NEK10: variants seen among roughly 807,000 people sequenced by gnomAD.
NEK10 encodes the protein serine/threonine-protein kinase Nek10.
In NEK10, 122 loss-of-function variants were observed where a neutral mutation model predicts 159.8. The observed-to-expected ratio is 0.76, with a 90% confidence interval of 0.66 to 0.89. The LOEUF (loss-of-function observed/expected upper bound fraction) is 0.89. Ranked by LOEUF, NEK10 falls within the 40% of genes least tolerant of loss-of-function variation. The probability of loss-of-function intolerance (pLI) is 0.00; values close to 1 mark genes in which losing one functional copy is unlikely to be tolerated. For synonymous variants in NEK10, 466 were observed against 457.1 expected (o/e 1.02, Z -0.25); for missense variants, 1,342 against 1,323.1 (o/e 1.01, Z -0.22).
intron 1 of NEK10, among the ~76,000 whole-genome samples, chr3:27,368,069 G>C (rs2049228179): frequency 6.6e-6 from 1 of 152,058 alleles, no homozygotes; most frequent in Admixed American, 6.6e-5. Context: ...GAGGCGGGTG[G>C]ATCACCTGAG....
At chr3:27,214,808 G>A (rs184997159) in intron 23 of NEK10, 54 of 1,027,350 alleles carry the variant, frequency 5.3e-5, no homozygotes, top group Admixed American at 3.1e-4. Context: ...CCTGCTCTTT[G>A]ACATATTTTC....
At chr3:27,329,580 A>C (rs532521185) in intron 5 of NEK10, among the ~76,000 whole-genome samples, 1 of 152,292 alleles carries the variant, frequency 6.6e-6, no homozygotes, top group South Asian at 2.1e-4. Context: ...CCAAGGAACA[A>C]CCAGTTCTTT....
chr3:27,112,976 T>C (rs1475165380), intron 35 of NEK10, among the ~76,000 whole-genome samples: 1 of 152,216 alleles, frequency 6.6e-6, no homozygotes, highest in Non-Finnish European at 1.5e-5. Flanking sequence ...TTATTCACAG[T>C]TTGTGGATTA....
chr3:27,245,757 T>A (rs1254453785), intron 23 of NEK10, among the ~76,000 whole-genome samples: 2 of 152,214 alleles, frequency 1.3e-5, no homozygotes, highest in Admixed American at 1.3e-4. Flanking sequence ...TCTAATTTCT[T>A]AATTATTCAA....
intron 22 of NEK10, among the ~76,000 whole-genome samples, chr3:27,259,243 T>C (rs2040180718): frequency 6.6e-6 from 1 of 152,246 alleles, no homozygotes; most frequent in African/African-American, 2.4e-5. Flanking sequence ...CTTGTCAATT[T>C]TGGCTTTTGT....
intron 29 of NEK10, among the ~76,000 whole-genome samples, chr3:27,170,220 TG>T (rs1322630837): frequency 2.6e-5 from 4 of 152,064 alleles, no homozygotes; most frequent in Admixed American, 1.3e-4. Context: ...ACCTCCTGAG[TG>T]GGGGTCATCC....
intron 23 of NEK10, among the ~76,000 whole-genome samples, chr3:27,223,455 C>T (rs1437046292): frequency 2.6e-5 from 4 of 152,190 alleles, no homozygotes; most frequent in African/African-American, 7.2e-5. Flanking sequence ...GGATACTCTT[C>T]CATCCTTTAC....
intron 32 of NEK10, among the ~76,000 whole-genome samples, chr3:27,125,051 A>G (rs916853488): frequency 2.0e-5 from 3 of 152,130 alleles, no homozygotes; most frequent in South Asian, 4.1e-4. Flanking sequence ...ATAGACACCT[A>G]CAGTTCTAAA....
At chr3:27,276,748 T>G (rs1478764794) in intron 22 of NEK10, among the ~76,000 whole-genome samples, 1 of 152,196 alleles carries the variant, frequency 6.6e-6, no homozygotes, top group Non-Finnish European at 1.5e-5. Flanking sequence ...TTTTTAATTC[T>G]AGGTCCCAAA....
intron 28 of NEK10, 98 bp downstream of exon 28, chr3:27,174,341 G>C (rs1947298551): frequency 6.3e-7 from 1 of 1,579,020 alleles, no homozygotes; most frequent in African/African-American, 1.4e-5. Context: ...CAAACCACTG[G>C]GTTATGTATA....
At chr3:27,201,254 G>A (rs1460736081) in intron 25 of NEK10, among the ~76,000 whole-genome samples, 1 of 152,084 alleles carries the variant, frequency 6.6e-6, no homozygotes, top group Admixed American at 6.5e-5. Flanking sequence ...ATCATAATGT[G>A]TTTTACAGGT....
intron 11 of NEK10, among the ~76,000 whole-genome samples, 196 bp downstream of exon 11, chr3:27,307,663 G>A (rs949337993): frequency 2.6e-5 from 4 of 152,138 alleles, no homozygotes; most frequent in African/African-American, 7.2e-5. Flanking sequence ...AGATCTAGAA[G>A]TAATGCAGGA....
rs137877830 is a variant in NEK10, at chr3:27,147,483, A to G, written c.2870-5901T>C. 4.4e-3 allele frequency among the ~76,000 whole-genome samples: 670 copies of G among 152,336 alleles called. 3 individuals carry two copies. The highest frequency in any genetic ancestry group is 0.016 in the African/African-American group (650 of 41,574). ...GAATGGCAGGAAGCTGAGTCAAAGC[A>G]TCAGCTCCTTTCACCTCTGGGTGAT... On this transcript the variant is annotated intron_variant, in intron 30 of 35. Coordinates refer to ENST00000691995, the MANE Select transcript of NEK10 (RefSeq NM_001394966.1).
intron 25 of NEK10, among the ~76,000 whole-genome samples, chr3:27,192,537 C>T (rs926371764): frequency 2.0e-5 from 3 of 151,030 alleles, no homozygotes; most frequent in Non-Finnish European, 4.4e-5. Context: ...CAGATGGGAC[C>T]ATCTTCTCCT....
At chr3:27,352,561 A>G (rs1406935883) in intron 2 of NEK10, 36 bp from the exon 3 acceptor site, 1 of 1,481,416 alleles carries the variant, frequency 6.8e-7, no homozygotes, top group South Asian at 1.1e-5. Context: ...AACCCACAGA[A>G]GGCTCCAGGT....
chr3:27,137,211 T>G (rs1943310023), intron 31 of NEK10, among the ~76,000 whole-genome samples: 1 of 152,178 alleles, frequency 6.6e-6, no homozygotes, highest in Non-Finnish European at 1.5e-5. Context: ...ATAGTTATAT[T>G]TGAACTTGTA....
chr3:27,344,265 A>G lies in NEK10; in HGVS notation c.362+7T>C. 4.1e-6 allele frequency: 6 copies of G among 1,452,418 alleles called. No individual in the cohort carries two copies. The highest frequency in any genetic ancestry group is 5.8e-6 in the Non-Finnish European group (6 of 1,039,986). The allele number at this position is 1,452,418 out of a possible 1,614,324, so 90.0% of individuals were successfully genotyped here. A position where few individuals can be genotyped will look rare whatever the true frequency, so the allele number is the denominator to read the frequency against. On this transcript the variant is annotated splice_region_variant and intron_variant, in intron 5 of 35. Transcript: ENST00000691995. Reference sequence around the variant, plus strand: ...AGTAAAAGCCTGTTTTCCAGGAACAATCTTACCTGCTTATGAGTCTATTTT... The same window carrying G: ...AGTAAAAGCCTGTTTTCCAGGAACAGTCTTACCTGCTTATGAGTCTATTTT...
chr3:27,332,080 A>T (rs1014227869), intron 5 of NEK10, among the ~76,000 whole-genome samples: 2 of 152,230 alleles, frequency 1.3e-5, no homozygotes, highest in Non-Finnish European at 2.9e-5. Context: ...TTCTAGAACG[A>T]TAGTACCAGA....
chr3:27,190,946 A>G (rs1949057096), intron 26 of NEK10, among the ~76,000 whole-genome samples: 1 of 152,206 alleles, frequency 6.6e-6, no homozygotes. Context: ...TATAACTTAA[A>G]TAATCATCAT....
Sources: gnomAD v4.1 joint callset for allele counts (sites outside exome capture counted in the v4.1 genomes callset) on GRCh38, gnomAD v4.1.1 for gene constraint, MANE v1.5 for transcripts, NCBI Gene and HGNC (gene_info 2026-07-23, HGNC 2026-07-21) for gene names.